The following VAV3 variants were observed in gnomAD, a reference collection of about 807,000 sequenced individuals.
VAV3 encodes the protein guanine nucleotide exchange factor VAV3.
Under a neutral mutation model 131.2 loss-of-function variants are expected in VAV3, and 94 were observed. The observed-to-expected ratio is 0.72, with a 90% confidence interval of 0.61 to 0.85. VAV3 has a LOEUF of 0.85. Among genes scored for constraint, VAV3 ranks in the 40% least tolerant of loss-of-function variants. VAV3 has a pLI of 0.00. For missense variants in VAV3, 939 were observed against 1,002.7 expected, an observed-to-expected ratio of 0.94 and a Z score of 0.86; for synonymous variants, 349 against 342.0, an observed-to-expected ratio of 1.02 and a Z score of -0.22.
At chr1:107,611,783 T>G (rs1003647200) in intron 21 of VAV3, among the ~76,000 whole-genome samples, 1 of 152,140 alleles carries the variant, frequency 6.6e-6, no homozygotes, top group Non-Finnish European at 1.5e-5. Context: ...GGTGTCCCAC[T>G]AGAGCTTTTC....
chr1:107,638,484 A>C (rs1391501156), intron 20 of VAV3, among the ~76,000 whole-genome samples: 1 of 152,224 alleles, frequency 6.6e-6, no homozygotes, highest in Non-Finnish European at 1.5e-5. Context: ...CAAAAGATGT[A>C]TATGACCTTA....
intron 17 of VAV3, among the ~76,000 whole-genome samples, chr1:107,697,295 C>G (rs1000759150): frequency 2.0e-5 from 3 of 152,184 alleles, no homozygotes; most frequent in Admixed American, 1.3e-4. Context: ...CAGGTCCTTA[C>G]CATTTCATAC....
At chr1:107,688,667 G>A in intron 17 of VAV3, 1 of 823,186 alleles carries the variant, frequency 1.2e-6, no homozygotes, top group Non-Finnish European at 1.7e-6. Context: ...TGTTTATTAA[G>A]CAATGTCAGT....
chr1:107,754,270 A>G (rs1663961361), intron 12 of VAV3, among the ~76,000 whole-genome samples: 1 of 152,192 alleles, frequency 6.6e-6, no homozygotes, highest in South Asian at 2.1e-4. Context: ...AGAAATCCAC[A>G]TTTTGGAAAT....
chr1:107,923,482 C>A (rs1027788634), intron 1 of VAV3, among the ~76,000 whole-genome samples: 4 of 151,968 alleles, frequency 2.6e-5, no homozygotes, highest in Non-Finnish European at 5.9e-5. Flanking sequence ...TCCGTTCTCA[C>A]ACTGCTATTA....
intron 2 of VAV3, among the ~76,000 whole-genome samples, chr1:107,838,143 A>G (rs1408411337): frequency 3.9e-5 from 6 of 152,230 alleles, no homozygotes; most frequent in Admixed American, 3.9e-4. Context: ...CATCCGACAA[A>G]GTTCTAATAA....
chr1:107,647,267 C>T (rs1655806998), intron 19 of VAV3, among the ~76,000 whole-genome samples: 1 of 150,094 alleles, frequency 6.7e-6, no homozygotes. Flanking sequence ...TAGCCTTTCA[C>T]CTCTGAGGCC....
chr1:107,642,219 A>C (rs1655394019), intron 20 of VAV3, among the ~76,000 whole-genome samples: 1 of 152,150 alleles, frequency 6.6e-6, no homozygotes, highest in Non-Finnish European at 1.5e-5. Context: ...CAGGTCATAA[A>C]GACCTTGCTG....
chr1:107,581,359 G>A (rs1020681351), intron 25 of VAV3, among the ~76,000 whole-genome samples: 5 of 152,100 alleles, frequency 3.3e-5, no homozygotes, highest in African/African-American at 1.2e-4. Flanking sequence ...AACATACATG[G>A]GGCATTATTA....
intron 15 of VAV3, among the ~76,000 whole-genome samples, chr1:107,736,125 G>A (rs1210718784): frequency 6.6e-6 from 1 of 152,154 alleles, no homozygotes; most frequent in African/African-American, 2.4e-5. Flanking sequence ...TATCTCAATA[G>A]ATGCAGAAAA....
intron 1 of VAV3, among the ~76,000 whole-genome samples, chr1:107,911,259 A>C (rs7544309): frequency 0.033 from 5,022 of 152,328 alleles, 207 homozygotes; most frequent in African/African-American, 0.094. Context: ...CCTTACTAAC[A>C]TTAACATGTA....
intron 17 of VAV3, among the ~76,000 whole-genome samples, chr1:107,701,389 G>A (rs183078734): frequency 6.6e-6 from 1 of 152,228 alleles, no homozygotes; most frequent in East Asian, 1.9e-4. Flanking sequence ...GGAGCAGCTG[G>A]GAACACAGGG....
intron 2 of VAV3, among the ~76,000 whole-genome samples, chr1:107,863,752 T>TA (rs1169382752): frequency 1.3e-5 from 2 of 152,124 alleles, no homozygotes; most frequent in Non-Finnish European, 2.9e-5. Flanking sequence ...AGAGTTTTTT[T>TA]AAAAAACTAC....
At chr1:107,670,208 TC>T (rs1253511609) in intron 19 of VAV3, among the ~76,000 whole-genome samples, 1 of 152,160 alleles carries the variant, frequency 6.6e-6, no homozygotes, top group East Asian at 1.9e-4. Context: ...AGTAAGAATT[TC>T]CATCACTGCT....
At chr1:107,934,980 T>C (rs1353097555) in intron 1 of VAV3, among the ~76,000 whole-genome samples, 1 of 152,166 alleles carries the variant, frequency 6.6e-6, no homozygotes, top group Non-Finnish European at 1.5e-5. Flanking sequence ...CTAGTAACAA[T>C]AGCCTCTAAT....
intron 2 of VAV3, among the ~76,000 whole-genome samples, chr1:107,846,848 T>C (rs899544485): frequency 2.6e-5 from 4 of 152,184 alleles, no homozygotes; most frequent in Admixed American, 2.0e-4. Context: ...CCACTGTCAA[T>C]ATTAGACAGA....
At chr1:107,769,583 G>A (rs1281684734) in intron 6 of VAV3, among the ~76,000 whole-genome samples, 5 of 152,224 alleles carry the variant, frequency 3.3e-5, no homozygotes, top group African/African-American at 7.2e-5. Flanking sequence ...ATTGTGTGAT[G>A]ATAATGGCCC....
At chr1:107,799,348 A>T (rs1360764729) in intron 2 of VAV3, among the ~76,000 whole-genome samples, 1 of 151,804 alleles carries the variant, frequency 6.6e-6, no homozygotes, top group Non-Finnish European at 1.5e-5. Context: ...TATCACGTAG[A>T]AAAAATATCT....
At chr1:107,679,809 A>C (rs989055333) in intron 19 of VAV3, among the ~76,000 whole-genome samples, 1 of 152,178 alleles carries the variant, frequency 6.6e-6, no homozygotes, top group Non-Finnish European at 1.5e-5. Context: ...GTGTTCCTGA[A>C]ATAATTGATA....
Sources: gnomAD v4.1 joint callset for allele counts (sites outside exome capture counted in the v4.1 genomes callset) on GRCh38, gnomAD v4.1.1 for gene constraint, MANE v1.5 for transcripts, NCBI Gene and HGNC (gene_info 2026-07-23, HGNC 2026-07-21) for gene names.